ZNF385D: variants seen among roughly 807,000 people sequenced by gnomAD.
The protein encoded by ZNF385D is zinc finger protein 659.
In ZNF385D, 15 loss-of-function variants were observed where a neutral mutation model predicts 35.8. The ratio of observed to expected loss-of-function variants is 0.42; its 90% CI spans 0.28 to 0.64. ZNF385D has a LOEUF of 0.64. Ranked by LOEUF, ZNF385D falls within the 30% of genes least tolerant of loss-of-function variation. ZNF385D has a pLI of 0.23. For synonymous variants in ZNF385D, 212 were observed against 186.8 expected (o/e 1.13, Z -1.10); for missense variants, 474 against 494.6 (o/e 0.96, Z 0.39).
chr3:21,865,102 G>GT (rs1307103021), intron 3 of ZNF385D, among the ~76,000 whole-genome samples: 3 of 103,336 alleles, frequency 2.9e-5, no homozygotes, highest in African/African-American at 3.8e-5. Flanking sequence ...ACCACTTGCC[G>GT]TATCTACTTT....
At chr3:22,294,444 C>T (rs910797561) in intron 2 of ZNF385D, among the ~76,000 whole-genome samples, 2 of 151,930 alleles carry the variant, frequency 1.3e-5, no homozygotes, top group Admixed American at 1.3e-4. Flanking sequence ...AGATGTGGGT[C>T]CACCCCCGCA....
intron 2 of ZNF385D, among the ~76,000 whole-genome samples, chr3:21,618,356 A>G (rs970604077): frequency 2.0e-5 from 3 of 152,220 alleles, no homozygotes; most frequent in Non-Finnish European, 4.4e-5. Flanking sequence ...TTCTGAAGCC[A>G]GCAGAAGCTA....
intron 3 of ZNF385D, among the ~76,000 whole-genome samples, chr3:22,163,459 G>A (rs1706103298): frequency 6.6e-6 from 1 of 152,064 alleles, no homozygotes; most frequent in Admixed American, 6.6e-5. Flanking sequence ...TAAGTGAGAT[G>A]ACACGTAAAT....
chr3:22,059,128 C>T (rs931241348), intron 3 of ZNF385D, among the ~76,000 whole-genome samples: 7 of 152,136 alleles, frequency 4.6e-5, no homozygotes, highest in African/African-American at 1.7e-4. Context: ...CAAGAATTAA[C>T]CTATCAGGAG....
intron 2 of ZNF385D, among the ~76,000 whole-genome samples, chr3:21,656,749 A>T (rs2066083048): frequency 6.6e-6 from 1 of 151,978 alleles, no homozygotes; most frequent in Non-Finnish European, 1.5e-5. Context: ...GCTAGCCATG[A>T]AACTGGACAT....
chr3:22,215,720 G>A (rs1457037769), intron 2 of ZNF385D, among the ~76,000 whole-genome samples: 1 of 151,920 alleles, frequency 6.6e-6, no homozygotes, highest in Admixed American at 6.6e-5. Context: ...ATTACCTTGT[G>A]AAGCATGTGA....
At chr3:22,355,021 A>G (rs940670348) in intron 2 of ZNF385D, among the ~76,000 whole-genome samples, 1 of 152,096 alleles carries the variant, frequency 6.6e-6, no homozygotes, top group African/African-American at 2.4e-5. Context: ...AAATTTAATT[A>G]TAAAATTGGA....
intron 3 of ZNF385D, among the ~76,000 whole-genome samples, chr3:21,938,073 A>G (rs1701345771): frequency 3.3e-5 from 5 of 152,228 alleles, no homozygotes; most frequent in Admixed American, 3.3e-4. Context: ...AATGATATTC[A>G]ACCGAACAGA....
At chr3:22,195,813 A>G (rs1043851447) in intron 2 of ZNF385D, among the ~76,000 whole-genome samples, 1 of 152,084 alleles carries the variant, frequency 6.6e-6, no homozygotes, top group Non-Finnish European at 1.5e-5. Context: ...AAAATGTTAT[A>G]CATATACACC....
intron 3 of ZNF385D, among the ~76,000 whole-genome samples, chr3:22,043,328 G>A (rs1366179440): frequency 6.6e-6 from 1 of 152,120 alleles, no homozygotes; most frequent in African/African-American, 2.4e-5. Context: ...GTTTCTTACA[G>A]TTTAGGTCTG....
chr3:22,244,915 G>C (rs992621005), intron 2 of ZNF385D, among the ~76,000 whole-genome samples: 1 of 151,910 alleles, frequency 6.6e-6, no homozygotes, highest in Non-Finnish European at 1.5e-5. Flanking sequence ...CTCAATGCCA[G>C]CTGTGATTTC....
intron 1 of ZNF385D, among the ~76,000 whole-genome samples, chr3:21,741,117 T>TAAGCAG (rs2069494929): frequency 1.3e-5 from 2 of 152,126 alleles, no homozygotes; most frequent in Admixed American, 1.3e-4. Context: ...TCACCTGTTA[T>TAAGCAG]CACCTATCGG....
At chr3:21,716,039 T>A (rs142609561) in intron 1 of ZNF385D, among the ~76,000 whole-genome samples, 65 of 152,232 alleles carry the variant, frequency 4.3e-4, no homozygotes, top group African/African-American at 1.5e-3. Flanking sequence ...TAACCCTGAA[T>A]AACCCTGAAA....
intron 3 of ZNF385D, among the ~76,000 whole-genome samples, chr3:21,886,343 A>G (rs536896714): frequency 2.3e-3 from 314 of 136,046 alleles, no homozygotes; most frequent in Non-Finnish European, 4.1e-3. Flanking sequence ...TTAGTAACCG[A>G]ATCTGGCTGT....
intron 2 of ZNF385D, among the ~76,000 whole-genome samples, chr3:22,297,872 C>T (rs956057671): frequency 2.6e-5 from 4 of 152,000 alleles, no homozygotes; most frequent in South Asian, 2.1e-4. Flanking sequence ...AAACGTACAA[C>T]GCGTATTTTC....
intron 3 of ZNF385D, among the ~76,000 whole-genome samples, chr3:22,030,275 A>G (rs1239330606): frequency 1.1e-5 from 1 of 91,496 alleles, no homozygotes; most frequent in Non-Finnish European, 2.2e-5. Context: ...ATATATATAT[A>G]TATATATATA....
At chr3:21,822,523 T>C (rs1338684174) in intron 3 of ZNF385D, among the ~76,000 whole-genome samples, 1 of 152,164 alleles carries the variant, frequency 6.6e-6, no homozygotes, top group Non-Finnish European at 1.5e-5. Context: ...TGATTTGTCA[T>C]TACCTAGAAA....
chr3:22,253,323 C>T (rs1018767878), intron 2 of ZNF385D, among the ~76,000 whole-genome samples: 1 of 151,722 alleles, frequency 6.6e-6, no homozygotes, highest in Non-Finnish European at 1.5e-5. Flanking sequence ...TAATTGAAAC[C>T]ATAAGGTTAG....
chr3:21,750,822 T>C, intron 1 of ZNF385D, 73 bp downstream of exon 1: 1 of 1,599,872 alleles, frequency 6.3e-7, no homozygotes. Context: ...GCTTAAAGAA[T>C]TTTTTAAGGG....
Sources: allele counts gnomAD v4.1 joint callset (sites outside exome capture counted in the v4.1 genomes callset), GRCh38; gene constraint gnomAD v4.1.1; transcripts MANE v1.5; gene names NCBI Gene and HGNC (gene_info 2026-07-23, HGNC 2026-07-21).